The following DNAH14 variants were observed in gnomAD, a reference collection of about 807,000 sequenced individuals.
DNAH14 encodes dynein axonemal heavy chain 14.
Under a neutral mutation model 520.9 loss-of-function variants are expected in DNAH14, and 478 were observed. The observed-to-expected ratio is 0.92, with a 90% CI of 0.85 to 0.99. DNAH14 has a LOEUF of 0.99. Ranked by LOEUF, DNAH14 falls within the 50% of genes least tolerant of loss-of-function variation. The probability of loss-of-function intolerance (pLI) is 0.00; values close to 1 mark genes in which losing one functional copy is unlikely to be tolerated. For synonymous variants in DNAH14, 1,581 were observed against 1,757.2 expected (o/e 0.90, Z 2.51); for missense variants, 4,831 against 5,234.5 (o/e 0.92, Z 2.38).
chr1:224,974,294 T>G, intron 8 of DNAH14, 141 bp downstream of exon 8: 1 of 469,072 alleles, frequency 2.1e-6, no homozygotes, highest in Non-Finnish European at 3.6e-6. Flanking sequence ...CTTAACCCAT[T>G]TTTATTTTTA....
intron 17 of DNAH14, among the ~76,000 whole-genome samples, chr1:225,055,190 C>T (rs751457005): frequency 6.6e-6 from 1 of 151,938 alleles, no homozygotes; most frequent in Non-Finnish European, 1.5e-5. Context: ...TCTAAGATGC[C>T]GTATTTCTAC....
chr1:225,276,027 A>G lies in DNAH14; in HGVS notation c.8124A>G (p.Lys2708=). The G allele has an allele frequency of 2.5e-6, 1 of 403,374 alleles. No individual in the cohort carries two copies. Among genetic ancestry groups the G allele is most frequent in the Non-Finnish European group, 5.0e-6 (1 of 200,830 alleles). 25.0% of individuals were successfully genotyped at this position (403,374 alleles called of 1,614,324 possible). ...ATCAGAATACCAGTGACTATAATAA[A>G]CTTGCCAGTGTACTTGATGAATTCC... The part of the protein sequence containing the change: ...KIYQNTSDYN[K]LASVLDEFQM... Residue 2708 remains lysine (K), a synonymous_variant, in exon 53 of 86, where the codon AAA becomes AAG. Transcript: ENST00000682510.
chr1:225,165,637 G>A (rs1320491784), intron 35 of DNAH14, among the ~76,000 whole-genome samples: 3 of 151,684 alleles, frequency 2.0e-5, no homozygotes, highest in Non-Finnish European at 4.4e-5. Flanking sequence ...CCAGGCTTGA[G>A]TGCAGTGACC....
chr1:224,947,819 A>G (rs1263444497), intron 1 of DNAH14, among the ~76,000 whole-genome samples: 1 of 151,798 alleles, frequency 6.6e-6, no homozygotes, highest in Non-Finnish European at 1.5e-5. Flanking sequence ...TTAGACAGGT[A>G]TTTCTTTATT....
intron 17 of DNAH14, among the ~76,000 whole-genome samples, chr1:225,056,164 T>G (rs1371469931): frequency 6.6e-6 from 1 of 151,976 alleles, no homozygotes; most frequent in Non-Finnish European, 1.5e-5. Flanking sequence ...AGTGTAAAAG[T>G]GCTCCTATTT....
intron 56 of DNAH14, among the ~76,000 whole-genome samples, chr1:225,301,662 A>C (rs1208654110): frequency 6.6e-6 from 1 of 152,152 alleles, no homozygotes; most frequent in Non-Finnish European, 1.5e-5. Flanking sequence ...TCACTGGGGG[A>C]GGACCACAGG....
intron 52 of DNAH14, among the ~76,000 whole-genome samples, chr1:225,273,979 G>C (rs1422572660): frequency 1.3e-5 from 2 of 152,054 alleles, no homozygotes; most frequent in African/African-American, 4.8e-5. Context: ...CAGAAGCCCA[G>C]GAAATATGAA....
chr1:225,370,392 C>G (rs550058791), intron 77 of DNAH14, among the ~76,000 whole-genome samples: 1 of 151,732 alleles, frequency 6.6e-6, no homozygotes, highest in South Asian at 2.1e-4. Flanking sequence ...CCAGGTGGCA[C>G]GCCTGTACTC....
At chr1:225,344,315 A>G (rs1406258858) in intron 69 of DNAH14, among the ~76,000 whole-genome samples, 1 of 151,170 alleles carries the variant, frequency 6.6e-6, no homozygotes, top group Non-Finnish European at 1.5e-5. Flanking sequence ...TGTACAGATT[A>G]TGTCATCACT....
At chr1:225,159,236 G>A in intron 34 of DNAH14, 78 bp from the exon 35 acceptor site, 1 of 1,214,632 alleles carries the variant, frequency 8.2e-7, no homozygotes, top group Non-Finnish European at 1.2e-6. Flanking sequence ...CCCTAAAACA[G>A]AATGTTAATG....
At chr1:224,974,576 C>A (rs2061690531) in intron 8 of DNAH14, among the ~76,000 whole-genome samples, 1 of 152,036 alleles carries the variant, frequency 6.6e-6, no homozygotes, top group South Asian at 2.1e-4. Flanking sequence ...TCCCATGTAC[C>A]TTTTACCCAG....
At chr1:225,357,951 CT>C in intron 73 of DNAH14, 1 of 650,902 alleles carries the variant, frequency 1.5e-6, no homozygotes. Context: ...TACCCTGAAC[CT>C]CTGTTTACTA....
At chr1:225,163,137 C>CAAAAAAAAAAA (rs34356854) in intron 35 of DNAH14, among the ~76,000 whole-genome samples, 1 of 53,680 alleles carries the variant, frequency 1.9e-5, no homozygotes, top group African/African-American at 6.8e-5. Flanking sequence ...GACCCTATCT[C>CAAAAAAAAAAA]AAAAAAAAAA....
intron 28 of DNAH14, 76 bp from the exon 29 acceptor site, chr1:225,144,321 G>T (rs1432603855): frequency 1.2e-5 from 13 of 1,114,904 alleles, no homozygotes; most frequent in African/African-American, 3.2e-5. Flanking sequence ...TTTTAATCTT[G>T]ATTCTTTTTC....
At position 225,338,163 on chromosome 1, in the gene DNAH14, G is replaced by A. The variant is rs1257988503; in HGVS notation, c.10414G>A (p.Glu3472Lys). The A allele has an allele frequency of 6.4e-6, 10 of 1,551,580 alleles. No individual in the cohort carries two copies. Among genetic ancestry groups the A allele is most frequent in the South Asian group, 3.6e-5 (3 of 83,940 alleles). The change falls in exon 68 of 86, where the codon GAA becomes AAA. Residue 3472 changes from glutamate (E) to lysine (K), a missense_variant. Glu to Lys is a moderately conservative substitution (Grantham distance 56). Coordinates refer to ENST00000682510, the MANE Select transcript of DNAH14 (RefSeq NM_001367479.1). ...CATAAGGGTTGGTGATGCTGAGTTC[G>A]AATACAATTCAAATTTTAGGTAATG... ...YFIRVGDAEF[E>K]YNSNFRLYLS...
rs2093034744 is a variant in DNAH14 at position 225,264,188 on chromosome 1, T to A, written c.7158-9T>A. 6.5e-7 allele frequency: 1 copy of A among 1,546,994 alleles called. No homozygotes were observed. Among genetic ancestry groups the A allele is most frequent in the African/African-American group, 1.4e-5 (1 of 72,902 alleles). ...ACTAATTTTGAATCCTTAAAATATT[T>A]CATTCCAGTAGCCTAAAACAGAATA... On this transcript the variant is annotated splice_polypyrimidine_tract_variant and intron_variant, in intron 46 of 85. Transcript: ENST00000682510.
intron 74 of DNAH14, among the ~76,000 whole-genome samples, chr1:225,360,052 T>A (rs2150541876): frequency 6.6e-6 from 1 of 152,338 alleles, no homozygotes; most frequent in East Asian, 1.9e-4. Flanking sequence ...CGTTTGTCCA[T>A]GTGTTCTCAT....
rs1018971316 is a variant in DNAH14 at position 225,190,326 on chromosome 1, C to T, written c.5671-2370C>T. 2.6e-5 allele frequency among the ~76,000 whole-genome samples: 4 copies of T among 151,922 alleles called. No individual in the cohort carries two copies. In the South Asian group the frequency reaches 8.3e-4, roughly 31 times the overall value. On this transcript the variant is annotated intron_variant, in intron 37 of 85. Coordinates refer to ENST00000682510, the MANE Select transcript of DNAH14 (RefSeq NM_001367479.1). ...TATATATACTGTATTCACCCTTCTT[C>T]TTGTGTATGTCGATCTGATAACTGA...
In DNAH14 at chr1:225,004,771, G is replaced by A. The variant is rs945230501; in HGVS notation, c.975+1844G>A. 5.3e-5 allele frequency among the ~76,000 whole-genome samples: 8 copies of A among 152,134 alleles called. 1 individual carries two copies. Among genetic ancestry groups the A allele is most frequent in the African/African-American group, 1.9e-4 (8 of 41,436 alleles). ...GGCCAGTTGTGCATTAGAATCGGAA[G>A]GTTATGCATAGCCCAGGGATGCAGA... On this transcript the variant is annotated intron_variant, in intron 9 of 85. Transcript: ENST00000682510.
Sources: gnomAD v4.1 joint callset for allele counts (sites outside exome capture counted in the v4.1 genomes callset) on GRCh38, gnomAD v4.1.1 for gene constraint, MANE v1.5 for transcripts, NCBI Gene and HGNC (gene_info 2026-07-23, HGNC 2026-07-21) for gene names.